GRM8: variants seen among roughly 807,000 people sequenced by gnomAD.
GRM8 encodes glutamate metabotropic receptor 8, also known as metabotropic glutamate receptor 8.
In GRM8, 47 loss-of-function variants were observed where a neutral mutation model predicts 87.2. The observed-to-expected ratio is 0.54, with a 90% CI of 0.43 to 0.69. The LOEUF is 0.69. Ranked by LOEUF, GRM8 falls within the 30% of genes least tolerant of loss-of-function variation. The pLI is 0.00. For synonymous variants in GRM8, 396 were observed against 404.5 expected (o/e 0.98, Z 0.25); for missense variants, 1,019 against 1,139.2 (o/e 0.89, Z 1.52).
intron 3 of GRM8, among the ~76,000 whole-genome samples, chr7:126,925,896 A>C (rs1490764903): frequency 6.6e-6 from 1 of 152,198 alleles, no homozygotes; most frequent in Non-Finnish European, 1.5e-5. Context: ...ATATCACTGC[A>C]ATACATATTT....
intron 6 of GRM8, among the ~76,000 whole-genome samples, chr7:126,810,088 T>G (rs138613229): frequency 6.6e-6 from 1 of 152,280 alleles, no homozygotes; most frequent in African/African-American, 2.4e-5. Flanking sequence ...ACTCTCATTA[T>G]AAAGACAATT....
chr7:127,081,038 A>G (rs1466617238), intron 3 of GRM8, among the ~76,000 whole-genome samples: 3 of 152,224 alleles, frequency 2.0e-5, no homozygotes, highest in Non-Finnish European at 2.9e-5. Flanking sequence ...CAAATTTAAT[A>G]TGGTCAGCAG....
intron 7 of GRM8, among the ~76,000 whole-genome samples, chr7:126,750,959 T>G (rs146039258): frequency 0.017 from 2,534 of 152,244 alleles, 26 homozygotes; most frequent in Non-Finnish European, 0.025. Flanking sequence ...AAATCCTGGC[T>G]TCACCACTTA....
chr7:126,445,352 C>T (rs1801903392), intron 10 of GRM8: 2 of 152,044 alleles, frequency 1.3e-5, no homozygotes, highest in South Asian at 4.1e-4. Flanking sequence ...TTATTTGCCA[C>T]TCTTTCATAG....
chr7:126,968,939 T>C (rs1481320435), intron 3 of GRM8, among the ~76,000 whole-genome samples: 1 of 152,200 alleles, frequency 6.6e-6, no homozygotes, highest in African/African-American at 2.4e-5. Flanking sequence ...TTCAGACCAC[T>C]GCAATTAAGT....
In GRM8 at chr7:126,800,592, C is replaced by T. The variant is rs552079147; in HGVS notation, c.1157-30527G>A. On this transcript the variant is annotated intron_variant, in intron 6 of 10. Coordinates refer to ENST00000339582, the MANE Select transcript of GRM8 (RefSeq NM_000845.3). ...AGCTCACATCATCCCAACTGTGCCA[C>T]TTGGAGGGCATGAAGTTTCAAAGAA... Among the ~76,000 whole-genome samples the T allele has an allele frequency of 8.2e-4, 125 of 152,244 alleles. 2 individuals are homozygous for T. In the South Asian group the frequency reaches 0.025, roughly 30 times the overall value.
intron 3 of GRM8, among the ~76,000 whole-genome samples, chr7:126,932,782 T>G (rs572714243): frequency 2.0e-5 from 3 of 152,278 alleles, no homozygotes; most frequent in South Asian, 2.1e-4. Context: ...GTGAATATTA[T>G]AGGTCACATA....
At chr7:126,457,736 TAAAGA>T (rs1347550879) in intron 9 of GRM8, among the ~76,000 whole-genome samples, 1 of 147,984 alleles carries the variant, frequency 6.8e-6, no homozygotes, top group Non-Finnish European at 1.5e-5. Flanking sequence ...CTCAAAAAAC[TAAAGA>T]AAAGGGAGAG....
intron 7 of GRM8, among the ~76,000 whole-genome samples, chr7:126,667,846 C>T (rs1299720941): frequency 6.6e-6 from 1 of 152,194 alleles, no homozygotes; most frequent in Non-Finnish European, 1.5e-5. Flanking sequence ...GCATCCAGAC[C>T]AGCAGTAGCC....
chr7:127,154,730 T>A (rs1303988906), intron 2 of GRM8, among the ~76,000 whole-genome samples: 1 of 152,096 alleles, frequency 6.6e-6, no homozygotes, highest in Non-Finnish European at 1.5e-5. Flanking sequence ...CCATGGACTA[T>A]AACTTTTTTT....
At chr7:126,709,639 G>A (rs1043855581) in intron 7 of GRM8, among the ~76,000 whole-genome samples, 2 of 151,964 alleles carry the variant, frequency 1.3e-5, no homozygotes, top group African/African-American at 4.8e-5. Flanking sequence ...TTAAAACAGA[G>A]CTACCATATG....
intron 2 of GRM8, among the ~76,000 whole-genome samples, chr7:127,161,739 GACAA>G (rs1466548637): frequency 1.3e-5 from 2 of 151,832 alleles, no homozygotes; most frequent in East Asian, 3.9e-4. Flanking sequence ...CAACTATAAT[GACAA>G]ACAAGATTCA....
intron 3 of GRM8, among the ~76,000 whole-genome samples, chr7:127,063,938 T>C (rs913409577): frequency 1.4e-4 from 21 of 152,216 alleles, no homozygotes; most frequent in African/African-American, 5.1e-4. Context: ...TGGCTTTGAG[T>C]GATTTTCAAA....
At chr7:126,581,917 C>T (rs1795650205) in intron 8 of GRM8, among the ~76,000 whole-genome samples, 1 of 151,978 alleles carries the variant, frequency 6.6e-6, no homozygotes, top group South Asian at 2.1e-4. Context: ...CTCAATGAAC[C>T]CCCTGTTCCC....
At chr7:126,793,073 G>A (rs1447532219) in intron 6 of GRM8, among the ~76,000 whole-genome samples, 1 of 152,156 alleles carries the variant, frequency 6.6e-6, no homozygotes, top group Admixed American at 6.6e-5. Flanking sequence ...AAAAGAGTTG[G>A]AAGAATGTGT....
chr7:127,158,489 A>G (rs1017486852), intron 2 of GRM8, among the ~76,000 whole-genome samples: 2 of 152,238 alleles, frequency 1.3e-5, no homozygotes, highest in African/African-American at 2.4e-5. Context: ...TGGGTAATTT[A>G]TAAACAACAG....
chr7:126,763,673 T>G (rs1038048858), intron 7 of GRM8, among the ~76,000 whole-genome samples: 4 of 88,584 alleles, frequency 4.5e-5, no homozygotes, highest in African/African-American at 9.4e-5. Context: ...AGTTTAACAT[T>G]ATGCTTAAGT....
chr7:126,456,519 T>TAGAAAAAAAAAAAAA (rs1803246032), intron 9 of GRM8, among the ~76,000 whole-genome samples: 1 of 69,714 alleles, frequency 1.4e-5, no homozygotes, highest in Non-Finnish European at 2.5e-5. Context: ...AGCAGCAAGC[T>TAGAAAAAAAAAAAAA]AAAAAAAAAA....
At chr7:126,768,996 G>A (rs1297792863) in intron 7 of GRM8, among the ~76,000 whole-genome samples, 1 of 151,596 alleles carries the variant, frequency 6.6e-6, no homozygotes, top group Non-Finnish European at 1.5e-5. Context: ...GTGCTTTTCT[G>A]AGAAACGCTG....
Sources: gnomAD v4.1 joint callset for allele counts (sites outside exome capture counted in the v4.1 genomes callset) on GRCh38, gnomAD v4.1.1 for gene constraint, MANE v1.5 for transcripts, NCBI Gene and HGNC (gene_info 2026-07-23, HGNC 2026-07-21) for gene names.